ASAH2: variants seen among roughly 807,000 people sequenced by gnomAD.
ASAH2 encodes the protein N-acylsphingosine amidohydrolase 2.
A neutral mutation model predicts 82.9 loss-of-function variants in ASAH2; 58 were observed. That is an observed-to-expected ratio of 0.70 (90% CI 0.57 to 0.87). ASAH2 has a LOEUF of 0.87. Ranked by LOEUF, ASAH2 falls within the 40% of genes least tolerant of loss-of-function variation. The pLI is 0.00. For synonymous variants in ASAH2, 276 were observed against 289.7 expected (o/e 0.95, Z 0.48); for missense variants, 779 against 834.0 (o/e 0.93, Z 0.81).
intron 16 of ASAH2, among the ~76,000 whole-genome samples, 173 bp from the exon 17 acceptor site, chr10:50,199,319 G>A (rs1845079354): frequency 6.6e-6 from 1 of 151,916 alleles, no homozygotes; most frequent in Non-Finnish European, 1.5e-5. Flanking sequence ...ACTGGCCAAG[G>A]TAAGTGACTC....
intron 2 of ASAH2, among the ~76,000 whole-genome samples, chr10:50,245,841 T>A (rs1167257875): frequency 3.9e-5 from 6 of 152,044 alleles, no homozygotes; most frequent in Admixed American, 3.3e-4. Flanking sequence ...CTCACTCCTT[T>A]CCTCTCCATC....
chr10:50,222,539 TA>T (rs928369682), intron 7 of ASAH2, among the ~76,000 whole-genome samples: 2 of 152,140 alleles, frequency 1.3e-5, no homozygotes, highest in African/African-American at 4.8e-5. Context: ...CTCACCTTCC[TA>T]AAGTACTGCT....
rs1404958575 is a variant in ASAH2, at chr10:50,226,523, A to T, written c.893+6661T>A. Reference sequence around the variant, plus strand: ...ATTACTTGATACAACACCAAGAATGAACCCTAAGGTAAACTATGGGTGATG... The same window carrying T: ...ATTACTTGATACAACACCAAGAATGTACCCTAAGGTAAACTATGGGTGATG... On this transcript the variant is annotated intron_variant, in intron 7 of 20. Transcript: ENST00000682911. 2.0e-5 allele frequency among the ~76,000 whole-genome samples: 3 copies of T among 152,228 alleles called. No individual in the cohort carries two copies. The East Asian group carries it at 5.8e-4, about 29-fold the overall frequency.
intron 17 of ASAH2, among the ~76,000 whole-genome samples, chr10:50,197,204 A>G (rs1845010438): frequency 1.3e-5 from 2 of 151,780 alleles, no homozygotes; most frequent in South Asian, 4.2e-4. Context: ...GGTTGGAAGC[A>G]TACTTTCAAA....
chr10:50,208,635 C>T (rs1321465612), intron 12 of ASAH2, among the ~76,000 whole-genome samples: 24 of 151,854 alleles, frequency 1.6e-4, no homozygotes, highest in East Asian at 1.4e-3. Flanking sequence ...CTTAAAATTA[C>T]AAAACATTGT....
intron 18 of ASAH2, among the ~76,000 whole-genome samples, chr10:50,195,214 A>G (rs1316952136): frequency 1.3e-5 from 2 of 151,822 alleles, no homozygotes; most frequent in Non-Finnish European, 2.9e-5. Flanking sequence ...CAAATGACCC[A>G]ACTTGAAAAT....
At chr10:50,234,694 C>T (rs1846109561) in intron 5 of ASAH2, 142 bp from the exon 6 acceptor site, 3 of 1,167,980 alleles carry the variant, frequency 2.6e-6, no homozygotes, top group Admixed American at 1.9e-5. Context: ...AGCTGGAGAA[C>T]CACATCGCTG....
chr10:50,250,916 A>G (rs1017488858), intron 1 of ASAH2, among the ~76,000 whole-genome samples: 3 of 152,248 alleles, frequency 2.0e-5, no homozygotes, highest in African/African-American at 7.2e-5. Context: ...AGCTGCCAGA[A>G]TTGTTGCCAA....
intron 2 of ASAH2, among the ~76,000 whole-genome samples, chr10:50,247,934 T>C (rs766196289): frequency 1.3e-5 from 2 of 152,220 alleles, no homozygotes; most frequent in Non-Finnish European, 2.9e-5. Context: ...AACAAACAGC[T>C]GCCACCTGGG....
intron 7 of ASAH2, among the ~76,000 whole-genome samples, chr10:50,223,003 A>C (rs1845786117): frequency 6.6e-6 from 1 of 152,186 alleles, no homozygotes; most frequent in Non-Finnish European, 1.5e-5. Flanking sequence ...GCTAAATGTA[A>C]AATAGGAAGC....
At position 50,231,529 on chromosome 10, in the gene ASAH2, G is replaced by C. The variant is rs962295442; in HGVS notation, c.893+1655C>G. ...GTTACTTGTCTATATATTTGTCTCT[G>C]TCTCTTGCCCCAATCACCCCACCAG... On this transcript the variant is annotated intron_variant, in intron 7 of 20. Coordinates refer to ENST00000682911, the MANE Select transcript of ASAH2 (RefSeq NM_019893.4). Among the ~76,000 whole-genome samples the C allele has an allele frequency of 5.3e-5, 8 of 152,162 alleles. No homozygotes were observed. The East Asian group carries it at 7.7e-4, about 15-fold the overall frequency.
intron 5 of ASAH2, among the ~76,000 whole-genome samples, chr10:50,235,232 C>T (rs1846127328): frequency 6.6e-6 from 1 of 152,000 alleles, no homozygotes; most frequent in Non-Finnish European, 1.5e-5. Context: ...CTGCCTATGC[C>T]AGCTGGATCT....
At chr10:50,234,703 T>C in intron 5 of ASAH2, 151 bp from the exon 6 acceptor site, 2 of 1,119,724 alleles carry the variant, frequency 1.8e-6, no homozygotes, top group Non-Finnish European at 2.7e-6. Context: ...ACCACATCGC[T>C]GTTGACAATC....
At chr10:50,212,858 A>C (rs1589332659) in intron 10 of ASAH2, 114 bp downstream of exon 10, 1 of 1,088,682 alleles carries the variant, frequency 9.2e-7, no homozygotes. Flanking sequence ...ACTCCCCAGC[A>C]CAACCTGAGC....
Position 50,206,106 on chromosome 10 carries a change from A to C in ASAH2, c.1415-9T>G, listed in dbSNP as rs1043030752. The C allele has an allele frequency of 5.1e-5, 80 of 1,583,880 alleles. No homozygotes were observed. In the South Asian group the frequency reaches 8.5e-4, roughly 17 times the overall value. On this transcript the variant is annotated splice_polypyrimidine_tract_variant and intron_variant, in intron 12 of 20. Transcript: ENST00000682911. The stretch of plus-strand genomic sequence containing the variant: ...ATCCCCTTCTGTTTTCCCTATTAGA[A>C]ATGTTATAATTAGTATACTTCCTTG...
At chr10:50,223,978 G>T (rs1166051749) in intron 7 of ASAH2, among the ~76,000 whole-genome samples, 2 of 152,106 alleles carry the variant, frequency 1.3e-5, no homozygotes, top group Non-Finnish European at 2.9e-5. Flanking sequence ...CCTTGAATTT[G>T]GACTTCTGGC....
intron 7 of ASAH2, among the ~76,000 whole-genome samples, chr10:50,220,951 T>G (rs1211927861): frequency 2.6e-5 from 4 of 151,980 alleles, no homozygotes; most frequent in African/African-American, 9.6e-5. Flanking sequence ...CATTAATCAC[T>G]GTAGGCATTC....
chr10:50,216,944 G>A (rs907864814), intron 8 of ASAH2, among the ~76,000 whole-genome samples: 10 of 152,184 alleles, frequency 6.6e-5, no homozygotes, highest in African/African-American at 2.4e-4. Flanking sequence ...AAAGGAGCTT[G>A]CTTTGGTTTG....
Position 50,227,377 on chromosome 10 carries a change from A to G in ASAH2, c.893+5807T>C, listed in dbSNP as rs986852708. On this transcript the variant is annotated intron_variant, in intron 7 of 20. Transcript: ENST00000682911. ...TGGAGATAACATTGTTAATATTTTT[A>G]TAGTATTTTAAAGCTTCTAGTGCAC... is the stretch of plus-strand genomic sequence containing the variant. 5.9e-5 allele frequency among the ~76,000 whole-genome samples: 9 copies of G among 151,728 alleles called. No individual in the cohort carries two copies. In the East Asian group the frequency reaches 1.7e-3, roughly 29 times the overall value.
Sources: allele counts gnomAD v4.1 joint callset (sites outside exome capture counted in the v4.1 genomes callset), GRCh38; gene constraint gnomAD v4.1.1; transcripts MANE v1.5; gene names NCBI Gene and HGNC (gene_info 2026-07-23, HGNC 2026-07-21).